Variants in MTUS2 observed in about 807,000 individuals in gnomAD.
The protein encoded by MTUS2 is microtubule associated scaffold protein 2, also known as microtubule-associated tumor suppressor candidate 2.
Under a neutral mutation model 114.1 loss-of-function variants are expected in MTUS2, and 40 were observed. The ratio of observed to expected loss-of-function variants is 0.35; its 90% CI spans 0.27 to 0.46. The LOEUF is 0.46. Among genes scored for constraint, MTUS2 ranks in the 20% least tolerant of loss-of-function variants. The pLI is 1.00. For missense variants in MTUS2, 1,679 were observed against 1,705.4 expected (o/e 0.98, Z 0.27); for synonymous variants, 688 against 672.0 (o/e 1.02, Z -0.37).
chr13:28,865,868 C>G (rs187212789), intron 2 of MTUS2, among the ~76,000 whole-genome samples: 1 of 152,264 alleles, frequency 6.6e-6, no homozygotes, highest in Admixed American at 6.5e-5. Context: ...TTGCTTTTCT[C>G]TTATGATTTC....
intron 9 of MTUS2, among the ~76,000 whole-genome samples, chr13:29,461,731 A>C (rs1290606910): frequency 6.6e-6 from 1 of 152,354 alleles, no homozygotes; most frequent in South Asian, 2.1e-4. Flanking sequence ...AATATAAAGA[A>C]TTGTTAATTA....
chr13:29,361,445 A>G (rs938614938), intron 8 of MTUS2, among the ~76,000 whole-genome samples: 1 of 152,156 alleles, frequency 6.6e-6, no homozygotes, highest in Non-Finnish European at 1.5e-5. Flanking sequence ...AGAAGAAAAA[A>G]CAGAAGATAA....
At chr13:29,208,583 T>C (rs1044863559) in intron 5 of MTUS2, among the ~76,000 whole-genome samples, 1 of 152,114 alleles carries the variant, frequency 6.6e-6, no homozygotes, top group Non-Finnish European at 1.5e-5. Context: ...CTTTCTTTCC[T>C]CTTAATGCTG....
chr13:29,266,656 C>T (rs980790945), intron 5 of MTUS2, among the ~76,000 whole-genome samples: 2 of 152,104 alleles, frequency 1.3e-5, no homozygotes, highest in African/African-American at 4.8e-5. Flanking sequence ...CATGGCCCAC[C>T]TCGGTCATGC....
intron 2 of MTUS2, among the ~76,000 whole-genome samples, chr13:28,944,497 A>G (rs578219247): frequency 9.2e-5 from 14 of 152,326 alleles, no homozygotes; most frequent in African/African-American, 3.4e-4. Context: ...CATTTGTTCA[A>G]TGTTTCCCAT....
At chr13:29,491,305 C>T (rs558617743) in intron 11 of MTUS2, among the ~76,000 whole-genome samples, 9 of 144,134 alleles carry the variant, frequency 6.2e-5, no homozygotes, top group East Asian at 4.2e-4. Context: ...GGTGTGCAGG[C>T]GTGGCAGGTT....
At chr13:29,064,740 A>C (rs1309344374) in intron 4 of MTUS2, among the ~76,000 whole-genome samples, 1 of 152,136 alleles carries the variant, frequency 6.6e-6, no homozygotes, top group Non-Finnish European at 1.5e-5. Flanking sequence ...TACTAAGCCT[A>C]ATACCCTACC....
At chr13:29,223,224 T>C (rs1419110539) in intron 5 of MTUS2, among the ~76,000 whole-genome samples, 4 of 152,106 alleles carry the variant, frequency 2.6e-5, no homozygotes, top group Admixed American at 2.6e-4. Context: ...GGCCTGTCCA[T>C]GGCCACCCAT....
intron 8 of MTUS2, among the ~76,000 whole-genome samples, chr13:29,397,871 T>C (rs1874024041): frequency 6.6e-6 from 1 of 152,238 alleles, no homozygotes; most frequent in Non-Finnish European, 1.5e-5. Flanking sequence ...CTTTATAAAT[T>C]AAACCAGGTT....
chr13:28,966,297 T>C (rs1883579042), intron 2 of MTUS2, among the ~76,000 whole-genome samples: 1 of 152,238 alleles, frequency 6.6e-6, no homozygotes, highest in Non-Finnish European at 1.5e-5. Context: ...ATTCTAATTA[T>C]CATAGCCTTT....
chr13:29,122,242 G>T (rs1309645945), intron 5 of MTUS2, among the ~76,000 whole-genome samples: 2 of 152,166 alleles, frequency 1.3e-5, no homozygotes, highest in Admixed American at 6.5e-5. Context: ...GAGGCTTTGG[G>T]TTGGTGGAAA....
intron 8 of MTUS2, among the ~76,000 whole-genome samples, chr13:29,389,031 A>G (rs1395821381): frequency 6.6e-6 from 1 of 152,024 alleles, no homozygotes; most frequent in African/African-American, 2.4e-5. Flanking sequence ...TCCTCATAGC[A>G]GTGATAATCT....
chr13:29,292,827 A>G (rs1228002720), intron 6 of MTUS2, among the ~76,000 whole-genome samples: 1 of 152,166 alleles, frequency 6.6e-6, no homozygotes, highest in Non-Finnish European at 1.5e-5. Context: ...GCATGACAAA[A>G]CTAGGCTTAG....
chr13:29,176,288 C>T (rs761995796), intron 5 of MTUS2, among the ~76,000 whole-genome samples: 3 of 152,158 alleles, frequency 2.0e-5, no homozygotes, highest in Non-Finnish European at 4.4e-5. Flanking sequence ...TATGTAGCAT[C>T]ATGGTGGAGG....
At chr13:29,047,381 C>T (rs1003029440) in intron 4 of MTUS2, among the ~76,000 whole-genome samples, 1 of 152,130 alleles carries the variant, frequency 6.6e-6, no homozygotes, top group African/African-American at 2.4e-5. Context: ...CATTCTGATG[C>T]AGCTGTTTTG....
At chr13:29,153,272 C>T (rs964590549) in intron 5 of MTUS2, among the ~76,000 whole-genome samples, 2 of 152,120 alleles carry the variant, frequency 1.3e-5, no homozygotes, top group South Asian at 4.2e-4. Flanking sequence ...CTAGAGAGAC[C>T]TCAGAAGTTA....
rs369634057 is a variant in MTUS2, at chr13:28,834,175, A to T, written c.-315-5603A>T. Among the ~76,000 whole-genome samples, 152 of 152,204 alleles carry T rather than the reference A, an allele frequency of 1.0e-3. 1 individual carries two copies. The highest frequency in any genetic ancestry group is 3.5e-3 in the African/African-American group (147 of 41,566). On this transcript the variant is annotated intron_variant, in intron 1 of 15. Transcript: ENST00000612955. ...TTCCTCCCAATAAATTGAAAAGCTG[A>T]TCCTCAAATTGATATGGAAATGCAA...
chr13:29,219,216 T>C (rs375014192), intron 5 of MTUS2, among the ~76,000 whole-genome samples: 2,772 of 146,668 alleles, frequency 0.019, 80 homozygotes, highest in African/African-American at 0.067. Context: ...AGTGAGAATA[T>C]GCGGTGTTTG....
At chr13:28,856,156 G>A (rs781346754) in intron 2 of MTUS2, among the ~76,000 whole-genome samples, 22 of 152,270 alleles carry the variant, frequency 1.4e-4, no homozygotes, top group Non-Finnish European at 2.8e-4. Flanking sequence ...ACAATTTTAG[G>A]AAAAAGTACA....
Sources: gnomAD v4.1 joint callset for allele counts (sites outside exome capture counted in the v4.1 genomes callset) on GRCh38, gnomAD v4.1.1 for gene constraint, MANE v1.5 for transcripts, NCBI Gene and HGNC (gene_info 2026-07-23, HGNC 2026-07-21) for gene names.